Variants in PDE10A observed in about 807,000 individuals in gnomAD.
PDE10A encodes phosphodiesterase 10A.
A neutral mutation model predicts 97.7 loss-of-function variants in PDE10A; 39 were observed. The observed-to-expected ratio is 0.40, with a 90% CI of 0.31 to 0.52. The LOEUF (loss-of-function observed/expected upper bound fraction) is 0.52. PDE10A is among the 20% of genes least tolerant of loss of function. The probability of loss-of-function intolerance (pLI) is 0.56; values close to 1 mark genes in which losing one functional copy is unlikely to be tolerated. For missense variants in PDE10A, 731 were observed against 1,047.8 expected (o/e 0.70, Z 4.17); for synonymous variants, 371 against 376.8 (o/e 0.98, Z 0.18).
intron 1 of PDE10A, among the ~76,000 whole-genome samples, chr6:165,804,676 G>A (rs1283453728): frequency 6.6e-6 from 1 of 152,058 alleles, no homozygotes; most frequent in African/African-American, 2.4e-5. Context: ...GGATCAGAGC[G>A]CGTGGTCGCG....
At chr6:165,733,978 G>T (rs536759979) in intron 1 of PDE10A, among the ~76,000 whole-genome samples, 1 of 152,182 alleles carries the variant, frequency 6.6e-6, no homozygotes, top group South Asian at 2.1e-4. Context: ...TAAAATTTTT[G>T]CTTATAGAAA....
At chr6:165,838,738 T>C (rs1780133623) in intron 1 of PDE10A, among the ~76,000 whole-genome samples, 1 of 152,248 alleles carries the variant, frequency 6.6e-6, no homozygotes, top group African/African-American at 2.4e-5. Flanking sequence ...GGCAAATCAC[T>C]GAAACTTTTT....
intron 19 of PDE10A, among the ~76,000 whole-genome samples, chr6:165,342,237 A>G (rs1360684968): frequency 6.6e-6 from 1 of 152,244 alleles, no homozygotes; most frequent in Non-Finnish European, 1.5e-5. Flanking sequence ...GATCTCCAAA[A>G]AAATCTTTCA....
chr6:165,536,779 T>A (rs376354907), intron 2 of PDE10A, among the ~76,000 whole-genome samples: 3 of 151,896 alleles, frequency 2.0e-5, no homozygotes, highest in Admixed American at 1.3e-4. Context: ...TTAAAATGAC[T>A]GTTGTCAAAA....
At position 165,543,503 on chromosome 6, in the gene PDE10A, A is replaced by C; in HGVS notation, c.931T>G (p.Ser311Ala). 1 of 1,612,348 alleles carries C rather than the reference A, an allele frequency of 6.2e-7. No individual in the cohort carries two copies. The highest frequency in any genetic ancestry group is 8.5e-7 in the Non-Finnish European group (1 of 1,178,762). ...ACTGTCTCTGCACTAACACTTTCAGATACAAATTCATCTAATACCTGGGGG... is the reference window on the plus strand; with the variant it reads ...ACTGTCTCTGCACTAACACTTTCAGCTACAAATTCATCTAATACCTGGGGG... ...LHPQVLDEFV[S>A]ESVSAETVEK... Residue 311 changes from serine (S) to alanine (A), a missense_variant, in exon 2 of 22, where the codon TCT becomes GCT. Coordinates refer to ENST00000539869, the MANE Select transcript of PDE10A (RefSeq NM_001385079.1).
chr6:165,689,658 TC>T (rs1404617827), intron 1 of PDE10A, among the ~76,000 whole-genome samples: 1 of 152,182 alleles, frequency 6.6e-6, no homozygotes, highest in Non-Finnish European at 1.5e-5. Context: ...CCCTTCCTCT[TC>T]CGCCGTGAGC....
intron 3 of PDE10A, among the ~76,000 whole-genome samples, chr6:165,459,975 C>G (rs1778223836): frequency 1.3e-5 from 2 of 152,210 alleles, no homozygotes. Context: ...ATGGGCTACT[C>G]AGTGTCACTC....
rs1343689087 is a variant in PDE10A at position 165,329,185 on chromosome 6, C to T, written c.*3840G>A. 1 of 152,122 alleles carries T rather than the reference C, an allele frequency of 6.6e-6. No individual in the cohort carries two copies. Among genetic ancestry groups the T allele is most frequent in the African/African-American group, 2.4e-5 (1 of 41,436 alleles). 9.4% of individuals were successfully genotyped at this position (152,122 alleles called of 1,614,324 possible). A position where few individuals can be genotyped will look rare whatever the true frequency, so the allele number is the denominator to read the frequency against. On this transcript the variant is annotated 3_prime_UTR_variant, in exon 22 of 22. Transcript: ENST00000539869. ...AAAAATCATGCTTAGGTACCTGAAA[C>T]CCCCCAAAATCACATCATAACCAGT...
chr6:165,413,580 C>A lies in PDE10A; in HGVS notation c.1997G>T (p.Gly666Val). The A allele has an allele frequency of 1.2e-6, 2 of 1,614,074 alleles. No individual in the cohort carries two copies. The highest frequency in any genetic ancestry group is 8.5e-7 in the Non-Finnish European group (1 of 1,179,950). ...TTCATCTGTTTTAGAGAAGGCACTGCCACTGATTTTGTTGACCATCTGCAC... is the reference window on the plus strand; with the variant it reads ...TTCATCTGTTTTAGAGAAGGCACTGACACTGATTTTGTTGACCATCTGCAC... ...GVVQMVNKIS[G>V]SAFSKTDENN... is the part of the protein sequence containing the mutation. The change falls in exon 13 of 22, where the codon GGC becomes GTC. Residue 666 changes from glycine (G) to valine (V), a missense_variant. This residue lies in a region of PDE10A where 108 missense variants were observed against 199.8 expected (regional missense o/e 0.54). Transcript: ENST00000539869.
At chr6:165,500,517 GT>G (rs1780807134) in intron 2 of PDE10A, among the ~76,000 whole-genome samples, 1 of 152,144 alleles carries the variant, frequency 6.6e-6, no homozygotes, top group Admixed American at 6.5e-5. Context: ...CAGTATGCTT[GT>G]TAAAAGTCAT....
At chr6:165,641,765 C>G (rs1789146503) in intron 1 of PDE10A, among the ~76,000 whole-genome samples, 1 of 152,252 alleles carries the variant, frequency 6.6e-6, no homozygotes, top group Non-Finnish European at 1.5e-5. Context: ...CTGAGCCTCA[C>G]TTTGCTTAGG....
intron 1 of PDE10A, among the ~76,000 whole-genome samples, chr6:165,826,496 CCT>C (rs10538335): frequency 6.7e-5 from 8 of 118,806 alleles, no homozygotes; most frequent in African/African-American, 1.5e-4. Context: ...TCCCTCTGTC[CCT>C]GTGTCCCTCT....
chr6:165,960,744 G>A (rs1278287507), intron 1 of PDE10A, among the ~76,000 whole-genome samples: 5 of 152,202 alleles, frequency 3.3e-5, no homozygotes, highest in Admixed American at 6.5e-5. Context: ...GGGGCATTGA[G>A]GAGATGGAGA....
At chr6:165,814,829 G>A (rs1246075968) in intron 1 of PDE10A, among the ~76,000 whole-genome samples, 2 of 151,916 alleles carry the variant, frequency 1.3e-5, no homozygotes, top group South Asian at 2.1e-4. Context: ...GTCACTCTGC[G>A]GCGTATGTCC....
At chr6:165,647,781 G>A (rs1010463387) in intron 1 of PDE10A, among the ~76,000 whole-genome samples, 14 of 152,062 alleles carry the variant, frequency 9.2e-5, no homozygotes, top group Non-Finnish European at 1.8e-4. Context: ...CTGCCTTTTC[G>A]GAAAAGACTG....
chr6:165,726,880 G>A (rs923031059), intron 1 of PDE10A, among the ~76,000 whole-genome samples: 2 of 152,204 alleles, frequency 1.3e-5, no homozygotes, highest in Admixed American at 1.3e-4. Flanking sequence ...CACTTCACTC[G>A]TGACCAAACT....
At chr6:165,658,917 C>A (rs1472608447) in intron 1 of PDE10A, among the ~76,000 whole-genome samples, 1 of 152,134 alleles carries the variant, frequency 6.6e-6, no homozygotes, top group Non-Finnish European at 1.5e-5. Flanking sequence ...TAACTTCAAA[C>A]GTGCTTCTAG....
At chr6:165,726,999 C>T (rs767466365) in intron 1 of PDE10A, among the ~76,000 whole-genome samples, 2 of 152,168 alleles carry the variant, frequency 1.3e-5, no homozygotes, top group African/African-American at 4.8e-5. Flanking sequence ...CCGTGTCCAC[C>T]CTCCTCGCGT....
At position 165,498,029 on chromosome 6, in the gene PDE10A, T is replaced by A. The variant is rs115322846; in HGVS notation, c.995-15686A>T. The stretch of plus-strand genomic sequence containing the variant: ...AAGCCTTCCTAAAACTCTTACAATG[T>A]TTTGTGACTCTTTAGAAACATTTTT... On this transcript the variant is annotated intron_variant, in intron 2 of 21. Coordinates refer to ENST00000539869, the MANE Select transcript of PDE10A (RefSeq NM_001385079.1). 5.1e-3 allele frequency among the ~76,000 whole-genome samples: 780 copies of A among 152,232 alleles called. 7 individuals are homozygous for A. The highest frequency in any genetic ancestry group is 0.018 in the African/African-American group (760 of 41,528).
Sources: allele counts gnomAD v4.1 joint callset (sites outside exome capture counted in the v4.1 genomes callset), GRCh38; gene constraint gnomAD v4.1.1; regional missense constraint gnomAD v4.1.1; transcripts MANE v1.5; gene names NCBI Gene and HGNC (gene_info 2026-07-23, HGNC 2026-07-21).